KCNQ2: variants seen among roughly 807,000 people sequenced by gnomAD.
The protein encoded by KCNQ2 is potassium voltage-gated channel subfamily Q member 2.
A neutral mutation model predicts 84.8 loss-of-function variants in KCNQ2; 14 were observed. The observed-to-expected ratio is 0.17, with a 90% confidence interval of 0.11 to 0.26. KCNQ2 has a LOEUF of 0.26. KCNQ2 is among the 10% of genes least tolerant of loss of function. The probability of loss-of-function intolerance (pLI) is 1.00; values close to 1 mark genes in which losing one functional copy is unlikely to be tolerated. For missense variants in KCNQ2, 788 were observed against 1,254.0 expected (o/e 0.63, Z 5.61); for synonymous variants, 599 against 554.1 (o/e 1.08, Z -1.14).
Position 63,441,982 on chromosome 20 carries a change from G to A in KCNQ2, c.816+424C>T, listed in dbSNP as rs189008458. Among the ~76,000 whole-genome samples, 78 of 152,304 alleles carry A rather than the reference G, an allele frequency of 5.1e-4. 1 individual carries two copies. Among genetic ancestry groups the A allele is most frequent in the Admixed American group, 4.1e-3 (62 of 15,304 alleles). The stretch of plus-strand genomic sequence containing the variant: ...CAGGTGAGGAGGAGCCCAGGGGCCA[G>A]ATCTGTTCAGACCTGATCAGAGTGG... On this transcript the variant is annotated intron_variant, in intron 5 of 16. Transcript: ENST00000359125.
intron 12 of KCNQ2, among the ~76,000 whole-genome samples, chr20:63,417,043 G>A (rs774195844): frequency 7.2e-5 from 11 of 152,194 alleles, no homozygotes; most frequent in African/African-American, 2.4e-4. Flanking sequence ...GCTTGGGGAC[G>A]TCAGGAGCCG....
chr20:63,413,999 C>T (rs947196532), intron 14 of KCNQ2, 89 bp downstream of exon 14: 4 of 1,001,912 alleles, frequency 4.0e-6, no homozygotes, highest in Non-Finnish European at 6.4e-6. Flanking sequence ...CGGCTCTGTC[C>T]AGCACCATGA....
intron 4 of KCNQ2, among the ~76,000 whole-genome samples, chr20:63,443,171 C>CCATT: frequency 9.7e-6 from 1 of 103,604 alleles, no homozygotes; most frequent in Non-Finnish European, 2.0e-5. Context: ...ACCACCATCA[C>CCATT]ATCACCATCA....
intron 12 of KCNQ2, among the ~76,000 whole-genome samples, chr20:63,415,687 G>A (rs538035526): frequency 3.5e-4 from 54 of 152,250 alleles, no homozygotes; most frequent in African/African-American, 9.9e-4. Flanking sequence ...ACGAGGTGCC[G>A]GAGCCTTCCT....
At chr20:63,441,300 G>A (rs1027364786) in intron 5 of KCNQ2, among the ~76,000 whole-genome samples, 4 of 150,822 alleles carry the variant, frequency 2.7e-5, no homozygotes, top group East Asian at 4.1e-4. Context: ...CAGTCAGCGC[G>A]TTTGAATCAG....
chr20:63,466,826 C>A (rs1432320135), intron 1 of KCNQ2, among the ~76,000 whole-genome samples: 1 of 152,220 alleles, frequency 6.6e-6, no homozygotes, highest in East Asian at 1.9e-4. Flanking sequence ...CACACAGGAG[C>A]ACGTCTCACA....
chr20:63,409,620 A>T (rs1394892300), intron 15 of KCNQ2, among the ~76,000 whole-genome samples: 1 of 152,242 alleles, frequency 6.6e-6, no homozygotes, highest in Non-Finnish European at 1.5e-5. Flanking sequence ...GGACCCACCC[A>T]GGAGAGGCCA....
chr20:63,455,809 C>T (rs1248812191), intron 1 of KCNQ2, among the ~76,000 whole-genome samples: 1 of 144,750 alleles, frequency 6.9e-6, no homozygotes, highest in Admixed American at 6.8e-5. Flanking sequence ...GACCCCCCAC[C>T]TCCGGGAGGC....
intron 1 of KCNQ2, among the ~76,000 whole-genome samples, chr20:63,468,867 A>AC (rs939015176): frequency 1.8e-4 from 27 of 151,742 alleles, no homozygotes; most frequent in South Asian, 2.1e-4. Flanking sequence ...TCAGGCTGGG[A>AC]CCCCCCCTTT....
In KCNQ2 at chr20:63,408,770, C is replaced by T. The variant is rs1237232806; in HGVS notation, c.1764-234G>A. Among the ~76,000 whole-genome samples the T allele has an allele frequency of 6.6e-6, 1 of 152,206 alleles. No individual in the cohort carries two copies. Among genetic ancestry groups the T allele is most frequent in the Non-Finnish European group, 1.5e-5 (1 of 68,016 alleles). On this transcript the variant is annotated intron_variant, in intron 15 of 16. Transcript: ENST00000359125. This position sits in a 1 kb window ranked among gnomAD's most constrained non-coding sequence, Gnocchi z 5.0. ...CGCTCTGTCCCCAAGGGGCCTGGCA[C>T]ATTAGCGAGGAGTAAAGTAAGGACG...
intron 9 of KCNQ2, 120 bp downstream of exon 9, chr20:63,431,220 A>T (rs2080776639): frequency 8.8e-7 from 1 of 1,131,696 alleles, no homozygotes; most frequent in East Asian, 2.3e-5. Flanking sequence ...GTGGGCAGGG[A>T]CAGTGGTCAC....
chr20:63,448,836 G>T (rs978603055), intron 1 of KCNQ2, among the ~76,000 whole-genome samples: 2 of 152,144 alleles, frequency 1.3e-5, no homozygotes, highest in African/African-American at 2.4e-5. Context: ...GGGCATCCTG[G>T]GGGGGAGTCT....
At chr20:63,436,150 C>T (rs553841879) in intron 7 of KCNQ2, among the ~76,000 whole-genome samples, 1 of 152,334 alleles carries the variant, frequency 6.6e-6, no homozygotes, top group East Asian at 1.9e-4. Flanking sequence ...GGGTAAAACG[C>T]TATCCAACAG....
chr20:63,450,696 G>A (rs563731230), intron 1 of KCNQ2, among the ~76,000 whole-genome samples: 13 of 151,634 alleles, frequency 8.6e-5, no homozygotes, highest in African/African-American at 3.1e-4. Flanking sequence ...CTGTGGAGCC[G>A]AGGCTGCGGG....
intron 5 of KCNQ2, among the ~76,000 whole-genome samples, chr20:63,442,088 C>T (rs2081176666): frequency 6.6e-6 from 1 of 152,220 alleles, no homozygotes; most frequent in Non-Finnish European, 1.5e-5. Flanking sequence ...TCCCCTTTCC[C>T]CCAATAATCG....
chr20:63,470,472 G>A (rs2082188845), intron 1 of KCNQ2, among the ~76,000 whole-genome samples: 9 of 152,234 alleles, frequency 5.9e-5, no homozygotes, highest in Admixed American at 5.9e-4. Context: ...GCTGCTCTCA[G>A]GAGGCAGAGA....
chr20:63,447,688 G>A (rs1361812751), intron 1 of KCNQ2, among the ~76,000 whole-genome samples: 2 of 152,268 alleles, frequency 1.3e-5, no homozygotes, highest in South Asian at 2.1e-4. Flanking sequence ...TCCGCCTCCC[G>A]GGTTCAAGCA....
At chr20:63,432,702 TGGGAAGGCCCCACCCTCA>T in intron 8 of KCNQ2, among the ~76,000 whole-genome samples, 1 of 28,106 alleles carries the variant, frequency 3.6e-5, no homozygotes, top group Non-Finnish European at 8.4e-5. Context: ...CCCCACCCTC[TGGGAAGGCCCCACCCTCA>T]GGGAAGGCTC....
intron 1 of KCNQ2, among the ~76,000 whole-genome samples, chr20:63,468,493 A>AG (rs2082135203): frequency 6.6e-6 from 1 of 152,248 alleles, no homozygotes; most frequent in Admixed American, 6.5e-5. Flanking sequence ...AGCTGAATGA[A>AG]GGGGTGGGAA....
Sources: allele counts gnomAD v4.1 joint callset (sites outside exome capture counted in the v4.1 genomes callset), GRCh38; gene constraint gnomAD v4.1.1; non-coding constraint Gnocchi (gnomAD v3.1); transcripts MANE v1.5; gene names NCBI Gene and HGNC (gene_info 2026-07-23, HGNC 2026-07-21).